The following CCNYL1 variants were observed in gnomAD, a reference collection of about 807,000 sequenced individuals.
CCNYL1 encodes cyclin Y like 1, also known as cyclin-Y-like protein 1.
Under a neutral mutation model 44.2 loss-of-function variants are expected in CCNYL1, and 16 were observed. The ratio of observed to expected loss-of-function variants is 0.36; its 90% CI spans 0.25 to 0.55. CCNYL1 has a LOEUF of 0.55. Among genes scored for constraint, CCNYL1 ranks in the 20% least tolerant of loss-of-function variants. CCNYL1 has a pLI of 0.85. For synonymous variants in CCNYL1, 159 were observed against 163.2 expected (o/e 0.97, Z 0.20); for missense variants, 348 against 451.8 (o/e 0.77, Z 2.08).
chr2:207,747,584 G>A (rs148627794), intron 8 of CCNYL1, among the ~76,000 whole-genome samples: 2 of 152,150 alleles, frequency 1.3e-5, no homozygotes, highest in African/African-American at 2.4e-5. Context: ...AGTCTTGCTC[G>A]GTTGCCTAGG....
intron 1 of CCNYL1, among the ~76,000 whole-genome samples, chr2:207,721,634 T>C (rs538589228): frequency 6.6e-6 from 1 of 152,310 alleles, no homozygotes; most frequent in East Asian, 1.9e-4. Context: ...AAATTGATAA[T>C]ACAAAACTGG....
rs545061650 is a variant in CCNYL1 at position 207,740,577 on chromosome 2, G to GC, written c.468-76dup. The GC allele has an allele frequency of 1.3e-3, 1,251 of 973,882 alleles. 7 individuals are homozygous for GC. The East Asian group carries it at 0.02, about 15-fold the overall frequency. The allele number at this position is 973,882 out of a possible 1,614,324, so 60.3% of individuals were successfully genotyped here. A position where few individuals can be genotyped will look rare whatever the true frequency, so the allele number is the denominator to read the frequency against. On this transcript the variant is annotated intron_variant, in intron 5 of 9. Coordinates refer to ENST00000295414, the MANE Select transcript of CCNYL1 (RefSeq NM_001330218.2). Reference sequence around the variant, plus strand: ...CCAAAGCAAACAGGAGGCATCTCCCGCCACCCCCAGCAGACATTTTACTCA... The same window carrying GC: ...CCAAAGCAAACAGGAGGCATCTCCCGCCCACCCCCAGCAGACATTTTACTCA...
intron 5 of CCNYL1, among the ~76,000 whole-genome samples, chr2:207,739,671 T>G (rs535313952): frequency 1.3e-5 from 2 of 152,376 alleles, no homozygotes; most frequent in South Asian, 2.1e-4. Flanking sequence ...AGAATTACTT[T>G]ATGTGAACTT....
chr2:207,719,585 G>A (rs1330965607), intron 1 of CCNYL1, among the ~76,000 whole-genome samples: 1 of 152,106 alleles, frequency 6.6e-6, no homozygotes, highest in African/African-American at 2.4e-5. Flanking sequence ...ACAGGTGTGA[G>A]CTACTGCGCC....
intron 3 of CCNYL1, among the ~76,000 whole-genome samples, chr2:207,728,066 C>T (rs1485424918): frequency 1.3e-5 from 2 of 151,420 alleles, no homozygotes; most frequent in East Asian, 1.9e-4. Flanking sequence ...CGGGTTCAAG[C>T]GATTCTCCTG....
At chr2:207,712,354 A>T (rs2091556300) in intron 1 of CCNYL1, among the ~76,000 whole-genome samples, 1 of 151,986 alleles carries the variant, frequency 6.6e-6, no homozygotes, top group Non-Finnish European at 1.5e-5. Context: ...CCATTCTCCC[A>T]AGCCGGCGTG....
At chr2:207,729,465 GCT>G (rs1263595031) in intron 3 of CCNYL1, among the ~76,000 whole-genome samples, 10 of 151,724 alleles carry the variant, frequency 6.6e-5, no homozygotes, top group Non-Finnish European at 1.2e-4. Flanking sequence ...CTATTGTTTT[GCT>G]CTCTCTTGTT....
chr2:207,743,149 C>G (rs2091824629), intron 7 of CCNYL1, among the ~76,000 whole-genome samples: 2 of 152,280 alleles, frequency 1.3e-5, no homozygotes, highest in South Asian at 4.1e-4. Context: ...AATAGAAGCC[C>G]CTCAGTGGGT....
chr2:207,712,981 A>G (rs368581376), intron 1 of CCNYL1, among the ~76,000 whole-genome samples: 2 of 151,492 alleles, frequency 1.3e-5, no homozygotes, highest in African/African-American at 4.9e-5. Context: ...ACGCCCAGCT[A>G]ATTTTTGAAT....
intron 5 of CCNYL1, among the ~76,000 whole-genome samples, chr2:207,739,412 T>C (rs2091790857): frequency 6.6e-6 from 1 of 152,066 alleles, no homozygotes; most frequent in African/African-American, 2.4e-5. Context: ...TTTGTATTAG[T>C]AGAGATGGGG....
At chr2:207,734,486 C>A (rs952087423) in intron 4 of CCNYL1, among the ~76,000 whole-genome samples, 1 of 152,242 alleles carries the variant, frequency 6.6e-6, no homozygotes, top group Non-Finnish European at 1.5e-5. Context: ...TCTGCATTTA[C>A]ATTTTCCCTG....
intron 8 of CCNYL1, among the ~76,000 whole-genome samples, chr2:207,748,903 T>C (rs772953545): frequency 2.6e-4 from 39 of 152,328 alleles, no homozygotes; most frequent in Middle Eastern, 3.4e-3. Context: ...CTTTTGGAAA[T>C]TGCAGAAACT....
intron 7 of CCNYL1, among the ~76,000 whole-genome samples, chr2:207,743,293 AGG>A (rs1405997161): frequency 6.6e-6 from 1 of 152,218 alleles, no homozygotes; most frequent in African/African-American, 2.4e-5. Flanking sequence ...GTACAGGAAG[AGG>A]GGAGTTCATT....
intron 1 of CCNYL1, chr2:207,714,614 G>A (rs1040957994): frequency 6.9e-5 from 14 of 201,544 alleles, no homozygotes; most frequent in African/African-American, 2.6e-4. Context: ...ACTGGACAGA[G>A]GAATATTAGA....
At chr2:207,740,394 G>A (rs2091799243) in intron 5 of CCNYL1, among the ~76,000 whole-genome samples, 1 of 152,082 alleles carries the variant, frequency 6.6e-6, no homozygotes, top group African/African-American at 2.4e-5. Flanking sequence ...TGCCTGTTAG[G>A]GAGGGCCAAT....
At chr2:207,723,044 C>T (rs1260421779) in intron 1 of CCNYL1, among the ~76,000 whole-genome samples, 1 of 151,618 alleles carries the variant, frequency 6.6e-6, no homozygotes, top group Non-Finnish European at 1.5e-5. Flanking sequence ...TTTATTTTTC[C>T]AAATAGCTTA....
Position 207,726,583 on chromosome 2 carries a change from GC to G in CCNYL1, c.296-255del, listed in dbSNP as rs376547221. The stretch of plus-strand genomic sequence containing the variant: ...TTTCTCATTTAGCATAATTTGTTTT[GC>G]CCCTTTCTTTTTTATGTAGGGATTC... On this transcript the variant is annotated intron_variant, in intron 2 of 9. Transcript: ENST00000295414. Among the ~76,000 whole-genome samples, 78 of 152,244 alleles carry G rather than the reference GC, an allele frequency of 5.1e-4. No individual in the cohort carries two copies. The East Asian group carries it at 0.014, about 28-fold the overall frequency.
chr2:207,725,227 A>G (rs981696206), intron 2 of CCNYL1, among the ~76,000 whole-genome samples: 1 of 151,384 alleles, frequency 6.6e-6, no homozygotes, highest in East Asian at 1.9e-4. Context: ...CCCACGTTCA[A>G]GCAATTCTCC....
At chr2:207,728,151 A>G (rs995595181) in intron 3 of CCNYL1, among the ~76,000 whole-genome samples, 1 of 151,716 alleles carries the variant, frequency 6.6e-6, no homozygotes, top group African/African-American at 2.4e-5. Context: ...TTTAATAGAG[A>G]CGGGGTTTCA....
Sources: allele counts gnomAD v4.1 joint callset (sites outside exome capture counted in the v4.1 genomes callset), GRCh38; gene constraint gnomAD v4.1.1; transcripts MANE v1.5; gene names NCBI Gene and HGNC (gene_info 2026-07-23, HGNC 2026-07-21).